Variants in RABGAP1L observed in about 807,000 individuals in gnomAD.
RABGAP1L encodes the protein RAB GTPase activating protein 1 like.
RABGAP1L carries 63 observed loss-of-function variants against 137.7 expected under a neutral mutation model. The observed-to-expected ratio is 0.46, with a 90% CI of 0.37 to 0.56. RABGAP1L has a LOEUF of 0.56. Ranked by LOEUF, RABGAP1L falls within the 20% of genes least tolerant of loss-of-function variation. RABGAP1L has a pLI of 0.00. For missense variants in RABGAP1L, 1,095 were observed against 1,244.0 expected (o/e 0.88, Z 1.80); for synonymous variants, 431 against 433.7 (o/e 0.99, Z 0.08).
rs921516700 is a variant in RABGAP1L at position 174,993,812 on chromosome 1, C to T, written c.*3811C>T. Reference sequence around the variant, plus strand: ...TTAGCAAGATGATTATATTATATAACTTGCCCTTAAAAACACTCCAAAATA... The same window carrying T: ...TTAGCAAGATGATTATATTATATAATTTGCCCTTAAAAACACTCCAAAATA... On this transcript the variant is annotated 3_prime_UTR_variant, in exon 26 of 26. Transcript: ENST00000681986. 6.6e-6 allele frequency: 1 copy of T among 152,218 alleles called. No homozygotes were observed. Among genetic ancestry groups the T allele is most frequent in the Non-Finnish European group, 1.5e-5 (1 of 68,028 alleles). 9.4% of individuals were successfully genotyped at this position (152,218 alleles called of 1,614,324 possible). A position where few individuals can be genotyped will look rare whatever the true frequency, so the allele number is the denominator to read the frequency against.
chr1:174,865,219 G>A (rs1432532530), intron 19 of RABGAP1L, among the ~76,000 whole-genome samples: 1 of 152,230 alleles, frequency 6.6e-6, no homozygotes, highest in Non-Finnish European at 1.5e-5. Context: ...GCACATGCCT[G>A]TAATCCCAGC....
intron 1 of RABGAP1L, among the ~76,000 whole-genome samples, chr1:174,175,678 T>C (rs1180258423): frequency 2.0e-5 from 3 of 146,828 alleles, no homozygotes. Flanking sequence ...CAGGCTGGAG[T>C]GCAATGGTGC....
chr1:174,861,792 T>C (rs1184273840), intron 19 of RABGAP1L, among the ~76,000 whole-genome samples: 1 of 152,174 alleles, frequency 6.6e-6, no homozygotes, highest in Middle Eastern at 3.2e-3. Context: ...CATTTTTAAA[T>C]TGGGTTATTT....
chr1:174,333,699 C>G (rs1681233638), intron 11 of RABGAP1L, among the ~76,000 whole-genome samples: 1 of 152,198 alleles, frequency 6.6e-6, no homozygotes, highest in African/African-American at 2.4e-5. Flanking sequence ...CCCATTTTCA[C>G]CACTGACTTA....
chr1:174,622,239 C>G (rs927173110), intron 13 of RABGAP1L, among the ~76,000 whole-genome samples: 4 of 152,184 alleles, frequency 2.6e-5, no homozygotes, highest in Non-Finnish European at 4.4e-5. Context: ...AATAGGAACA[C>G]TTTTACAGTG....
chr1:174,673,612 A>T (rs1677349158), intron 14 of RABGAP1L, among the ~76,000 whole-genome samples: 1 of 152,200 alleles, frequency 6.6e-6, no homozygotes. Context: ...TTTTTAAAAA[A>T]TAAGGTCACA....
chr1:174,559,417 C>A (rs1242164120), intron 13 of RABGAP1L, among the ~76,000 whole-genome samples: 8 of 152,158 alleles, frequency 5.3e-5, no homozygotes, highest in Non-Finnish European at 8.8e-5. Context: ...TTATCCGCAT[C>A]TTTGATAATT....
At chr1:174,661,316 T>C (rs1355175287) in intron 14 of RABGAP1L, among the ~76,000 whole-genome samples, 1 of 152,158 alleles carries the variant, frequency 6.6e-6, no homozygotes, top group Non-Finnish European at 1.5e-5. Flanking sequence ...TAAAGAACTT[T>C]TAGAAAATGA....
chr1:174,566,988 A>G (rs1667626584), intron 13 of RABGAP1L, among the ~76,000 whole-genome samples: 1 of 152,152 alleles, frequency 6.6e-6, no homozygotes, highest in Non-Finnish European at 1.5e-5. Context: ...TTGTGGTAAA[A>G]CATAATATTT....
At chr1:174,182,663 A>C (rs924546753) in intron 1 of RABGAP1L, among the ~76,000 whole-genome samples, 3 of 152,240 alleles carry the variant, frequency 2.0e-5, no homozygotes, top group African/African-American at 7.2e-5. Context: ...ATATTTCCAC[A>C]GTCAAGCTCC....
chr1:174,207,417 T>G (rs1400991821), intron 1 of RABGAP1L, among the ~76,000 whole-genome samples: 1 of 152,158 alleles, frequency 6.6e-6, no homozygotes, highest in Non-Finnish European at 1.5e-5. Context: ...AAAGTTAACA[T>G]TTTGTTATAG....
intron 25 of RABGAP1L, 83 bp downstream of exon 25, chr1:174,988,921 C>T (rs1671837191): frequency 7.9e-7 from 1 of 1,262,820 alleles, no homozygotes; most frequent in African/African-American, 1.5e-5. Context: ...ATACACCTAT[C>T]TAGGTCAGAA....
chr1:174,814,917 A>T (rs746161173), intron 19 of RABGAP1L, among the ~76,000 whole-genome samples: 3 of 151,988 alleles, frequency 2.0e-5, no homozygotes, highest in Admixed American at 6.6e-5. Flanking sequence ...CGAACTCCTG[A>T]CCCCAAGTAA....
intron 19 of RABGAP1L, among the ~76,000 whole-genome samples, chr1:174,909,285 A>C (rs1659665966): frequency 6.6e-6 from 1 of 151,894 alleles, no homozygotes; most frequent in Non-Finnish European, 1.5e-5. Context: ...GTGCAGTGTC[A>C]TGATCTCAGC....
chr1:174,703,625 G>C (rs1282896735), intron 17 of RABGAP1L, among the ~76,000 whole-genome samples: 1 of 152,134 alleles, frequency 6.6e-6, no homozygotes, highest in Non-Finnish European at 1.5e-5. Flanking sequence ...TTGCTGGATT[G>C]AATGGTAGTT....
At chr1:174,893,138 G>C (rs1362681845) in intron 19 of RABGAP1L, 1 of 305,100 alleles carries the variant, frequency 3.3e-6, no homozygotes, top group East Asian at 8.5e-5. Flanking sequence ...GCGGCCCTGT[G>C]TGCATACTGC....
chr1:174,370,967 T>C lies in RABGAP1L; in HGVS notation c.1466-12T>C, dbSNP rs986969995. ...AAAATAATGTTTGTTGGTTTTTGCG[T>C]TTCTTCTGCAGAGAGTGATAATGAA... On this transcript the variant is annotated splice_polypyrimidine_tract_variant and intron_variant, in intron 11 of 25. Coordinates refer to ENST00000681986, the MANE Select transcript of RABGAP1L (RefSeq NM_001366446.1). The C allele has an allele frequency of 1.8e-5, 26 of 1,421,228 alleles. No individual in the cohort carries two copies. The highest frequency in any genetic ancestry group is 2.4e-5 in the Non-Finnish European group (25 of 1,051,192). 88.0% of individuals were successfully genotyped at this position (1,421,228 alleles called of 1,614,324 possible).
At chr1:174,749,061 A>ATGGGAG (rs1282646847) in intron 17 of RABGAP1L, among the ~76,000 whole-genome samples, 1 of 151,836 alleles carries the variant, frequency 6.6e-6, no homozygotes, top group Non-Finnish European at 1.5e-5. Context: ...CTGTAGCCCC[A>ATGGGAG]GCTACATGGG....
chr1:174,281,788 T>G (rs1558096526), intron 10 of RABGAP1L, among the ~76,000 whole-genome samples: 3 of 152,166 alleles, frequency 2.0e-5, no homozygotes, highest in African/African-American at 7.2e-5. Flanking sequence ...TTGATGAGTT[T>G]TGACAAATTT....
Sources: gnomAD v4.1 joint callset for allele counts (sites outside exome capture counted in the v4.1 genomes callset) on GRCh38, gnomAD v4.1.1 for gene constraint, MANE v1.5 for transcripts, NCBI Gene and HGNC (gene_info 2026-07-23, HGNC 2026-07-21) for gene names.